Variants in HMGB3 observed in about 807,000 individuals in gnomAD.
HMGB3 encodes the protein high mobility group protein B3.
HMGB3 carries 1 observed loss-of-function variant against 12.9 expected under a neutral mutation model. That is an observed-to-expected ratio of 0.08 (90% CI 0.03 to 0.37). The LOEUF is 0.37. Ranked by LOEUF, HMGB3 falls within the 10% of genes least tolerant of loss-of-function variation. The pLI is 0.99. For missense variants in HMGB3, 74 were observed against 153.3 expected, an observed-to-expected ratio of 0.48 and a Z score of 2.73; for synonymous variants, 61 against 53.9, an observed-to-expected ratio of 1.13 and a Z score of -0.57.
rs555008693 is a variant in HMGB3, at chrX:150,983,742, C to T, written c.-6+366C>T. The stretch of plus-strand genomic sequence containing the variant: ...GTTTGGGCAGCTGCGGCTGCGGCGG[C>T]TGGGCGAGCAGAGGGGCGGCTGCGG... On this transcript the variant is annotated intron_variant, in intron 1 of 4. Transcript: ENST00000325307. 7.1e-4 allele frequency among the ~76,000 whole-genome samples: 77 copies of T among 108,069 alleles called. 2 individuals are homozygous for T. In the South Asian group the frequency reaches 0.03, roughly 42 times the overall value. 93.8% of individuals were successfully genotyped at this position (108,069 alleles called of 115,157 possible).
Position 150,986,043 on chromosome X carries a change from C to G in HMGB3, c.151-8C>G. 8.3e-7 allele frequency: 1 copy of G among 1,205,534 alleles called. No homozygotes were observed. The highest frequency in any genetic ancestry group is 1.1e-6 in the Non-Finnish European group (1 of 893,140). On this transcript the variant is annotated splice_region_variant and splice_polypyrimidine_tract_variant and intron_variant, in intron 2 of 4. Transcript: ENST00000325307. Reference sequence around the variant, plus strand: ...ATCGAGGGATTTAACGAGTCCTGTTCTTTGCAGACGATGTCCGGGAAAGAG... The same window carrying G: ...ATCGAGGGATTTAACGAGTCCTGTTGTTTGCAGACGATGTCCGGGAAAGAG...
chrX:150,986,610 G>A (rs1408458982), intron 3 of HMGB3, among the ~76,000 whole-genome samples: 3 of 110,688 alleles, frequency 2.7e-5, no homozygotes, highest in Non-Finnish European at 5.7e-5. Context: ...ATATATGCGC[G>A]TATATATACG....
intron 1 of HMGB3, among the ~76,000 whole-genome samples, chrX:150,985,228 C>T (rs1446763384): frequency 8.9e-6 from 1 of 111,752 alleles, no homozygotes; most frequent in Non-Finnish European, 1.9e-5. Context: ...TTCTATCACC[C>T]CCACCAAATG....
chrX:150,985,531 G>A lies in HMGB3; in HGVS notation c.-5-64G>A, dbSNP rs1465225185. 7.4e-6 allele frequency: 7 copies of A among 951,728 alleles called. No homozygotes were observed. In the East Asian group the frequency reaches 1.2e-4, roughly 17 times the overall value. 78.4% of individuals were successfully genotyped at this position (951,728 alleles called of 1,213,427 possible). On this transcript the variant is annotated intron_variant, in intron 1 of 4. Coordinates refer to ENST00000325307, the MANE Select transcript of HMGB3 (RefSeq NM_005342.4). ...TTTTGCTCTGCCTTTGGTACGTCTTGTACTTCTTGTCAATTCCTCCTTGCT... is the reference window on the plus strand; with the variant it reads ...TTTTGCTCTGCCTTTGGTACGTCTTATACTTCTTGTCAATTCCTCCTTGCT...
At chrX:150,986,726 C>T (rs1365400033) in intron 3 of HMGB3, among the ~76,000 whole-genome samples, 2 of 111,302 alleles carry the variant, frequency 1.8e-5, no homozygotes, top group East Asian at 5.6e-4. Context: ...TCACTGCAAC[C>T]TCCACCTCCT....
At chrX:150,983,524 C>G in intron 1 of HMGB3, 148 bp downstream of exon 1, 3 of 730,681 alleles carry the variant, frequency 4.1e-6, no homozygotes, top group Non-Finnish European at 4.9e-6. Context: ...TGCCTCTACT[C>G]CCCATTCCCT....
chrX:150,986,701 A>G (rs886915548), intron 3 of HMGB3, among the ~76,000 whole-genome samples: 1 of 111,469 alleles, frequency 9.0e-6, no homozygotes, highest in Non-Finnish European at 1.9e-5. Context: ...CTGGAGTGCA[A>G]GGTGTGATCT....
intron 4 of HMGB3, among the ~76,000 whole-genome samples, 165 bp downstream of exon 4, chrX:150,987,467 A>G (rs1473127259): frequency 9.0e-6 from 1 of 110,658 alleles, no homozygotes; most frequent in African/African-American, 3.3e-5. Flanking sequence ...CTTTTTTTTG[A>G]CAGGTCTTTG....
chrX:150,982,644 G>A (rs782145155), upstream of HMGB3, among the ~76,000 whole-genome samples: 12 of 113,078 alleles, frequency 1.1e-4, no homozygotes, highest in Admixed American at 1.9e-4. Flanking sequence ...CGTCGGTTCC[G>A]CAATTTCGGG....
In HMGB3 at chrX:150,988,308, T is replaced by C. The variant is rs1557425310; in HGVS notation, c.*394T>C. ...AATCCTGAGTTTTCAACTGTATATA[T>C]CTATAGTTTGTAAAAAGAACAAAAC... On this transcript the variant is annotated 3_prime_UTR_variant, in exon 5 of 5. Coordinates refer to ENST00000325307, the MANE Select transcript of HMGB3 (RefSeq NM_005342.4). 8.3e-6 allele frequency: 1 copy of C among 121,015 alleles called. No homozygotes were observed. Among genetic ancestry groups the C allele is most frequent in the Non-Finnish European group, 1.7e-5 (1 of 58,770 alleles). The allele number at this position is 121,015 out of a possible 1,213,427, so 10.0% of individuals were successfully genotyped here. A position where few individuals can be genotyped will look rare whatever the true frequency, so the allele number is the denominator to read the frequency against.
intron 1 of HMGB3, 102 bp downstream of exon 1, chrX:150,983,478 G>C (rs1420166945): frequency 3.1e-4 from 231 of 743,676 alleles, no homozygotes; most frequent in Non-Finnish European, 3.5e-4. Flanking sequence ...TTTCCGGCCC[G>C]CGCCGCCGTG....
At chrX:150,983,966 C>T (rs2048018587) in intron 1 of HMGB3, among the ~76,000 whole-genome samples, 1 of 104,237 alleles carries the variant, frequency 9.6e-6, no homozygotes, top group African/African-American at 3.4e-5. Context: ...GCTGGCTCTG[C>T]GTTAACATGG....
At chrX:150,984,700 CTCCCGG>C (rs2048033466) in intron 1 of HMGB3, 1 of 293,118 alleles carries the variant, frequency 3.4e-6, no homozygotes, top group African/African-American at 2.9e-5. Flanking sequence ...GACTCCCCCG[CTCCCGG>C]TCCCGCCCCG....
At chrX:150,987,431 G>A (rs2048064477) in intron 4 of HMGB3, 129 bp downstream of exon 4, 9 of 500,735 alleles carry the variant, frequency 1.8e-5, no homozygotes, top group Non-Finnish European at 2.8e-5. Flanking sequence ...CCCCCTGCAA[G>A]GTAGCTACGG....
intron 3 of HMGB3, 34 bp from the exon 4 acceptor site, chrX:150,987,094 T>C: frequency 1.4e-5 from 16 of 1,107,086 alleles, no homozygotes; most frequent in Non-Finnish European, 1.9e-5. Flanking sequence ...AAATTTTTTG[T>C]GGTTTCTCAT....
intron 1 of HMGB3, among the ~76,000 whole-genome samples, chrX:150,984,374 G>C (rs2048027322): frequency 2.0e-5 from 2 of 99,286 alleles, no homozygotes; most frequent in African/African-American, 7.1e-5. Flanking sequence ...CGGCGGCGGC[G>C]GGGCCCGGGC....
rs782021726 is a variant in HMGB3 at position 150,989,042 on chromosome X, T to G, written c.*1128T>G. The stretch of plus-strand genomic sequence containing the variant: ...TCCAAGGTATAGGAAGGTGGGTGAT[T>G]AGGACTGAGGCTATCTAGGTTTAAC... On this transcript the variant is annotated 3_prime_UTR_variant, in exon 5 of 5. Transcript: ENST00000325307. The G allele has an allele frequency of 3.6e-5, 4 of 111,699 alleles. No individual in the cohort carries two copies. The highest frequency in any genetic ancestry group is 1.3e-4 in the African/African-American group (4 of 30,759). 9.2% of individuals were successfully genotyped at this position (111,699 alleles called of 1,213,427 possible). A position where few individuals can be genotyped will look rare whatever the true frequency, so the allele number is the denominator to read the frequency against.
intron 1 of HMGB3, among the ~76,000 whole-genome samples, chrX:150,983,869 C>T (rs1451823453): frequency 5.6e-5 from 6 of 106,381 alleles, no homozygotes; most frequent in African/African-American, 1.7e-4. Flanking sequence ...CCGGGGGCTG[C>T]GCGGCTGGTG....
intron 1 of HMGB3, chrX:150,984,690 G>A (rs781983899): frequency 2.8e-6 from 1 of 362,940 alleles, no homozygotes; most frequent in Non-Finnish European, 3.5e-6. Flanking sequence ...TGCCGGCCGG[G>A]ACTCCCCCGC....
Sources: gnomAD v4.1 joint callset for allele counts (sites outside exome capture counted in the v4.1 genomes callset) on GRCh38, gnomAD v4.1.1 for gene constraint, MANE v1.5 for transcripts, NCBI Gene and HGNC (gene_info 2026-07-23, HGNC 2026-07-21) for gene names.